The following ADGRB3 variants were observed in gnomAD, a reference collection of about 807,000 sequenced individuals.
The protein encoded by ADGRB3 is adhesion G protein-coupled receptor B3.
Under a neutral mutation model 193.4 loss-of-function variants are expected in ADGRB3, and 37 were observed. That is an observed-to-expected ratio of 0.19 (90% CI 0.15 to 0.25). The LOEUF (loss-of-function observed/expected upper bound fraction) is 0.25, where lower values mean the gene tolerates loss of function less well. Ranked by LOEUF, ADGRB3 falls within the 10% of genes least tolerant of loss-of-function variation. The probability of loss-of-function intolerance (pLI) is 1.00; values close to 1 mark genes in which losing one functional copy is unlikely to be tolerated. For missense variants in ADGRB3, 1,637 were observed against 1,852.9 expected, an observed-to-expected ratio of 0.88 and a Z score of 2.14; for synonymous variants, 690 against 644.2, an observed-to-expected ratio of 1.07 and a Z score of -1.08.
chr6:69,279,279 G>C (rs1406860495), intron 20 of ADGRB3, among the ~76,000 whole-genome samples: 8 of 151,714 alleles, frequency 5.3e-5, no homozygotes, highest in Non-Finnish European at 1.2e-4. Flanking sequence ...GTCTACACTT[G>C]AGTAAGATCA....
intron 17 of ADGRB3, among the ~76,000 whole-genome samples, chr6:69,184,309 G>A (rs558964994): frequency 9.1e-4 from 139 of 152,180 alleles, no homozygotes; most frequent in African/African-American, 3.2e-3. Flanking sequence ...AAATGGGTGT[G>A]ATAGTTAGCC....
intron 3 of ADGRB3, among the ~76,000 whole-genome samples, chr6:68,690,573 A>G (rs1765056223): frequency 1.3e-5 from 2 of 152,130 alleles, no homozygotes; most frequent in South Asian, 4.1e-4. Flanking sequence ...CCTGACTACT[A>G]TCCATTCTCC....
chr6:69,161,088 A>G (rs1774972606), intron 17 of ADGRB3, among the ~76,000 whole-genome samples: 2 of 152,136 alleles, frequency 1.3e-5, no homozygotes, highest in African/African-American at 4.8e-5. Flanking sequence ...TAGTAATACT[A>G]CCTATCTCAT....
chr6:69,137,198 C>A (rs1159480705), intron 17 of ADGRB3, among the ~76,000 whole-genome samples: 1 of 151,622 alleles, frequency 6.6e-6, no homozygotes, highest in Non-Finnish European at 1.5e-5. Context: ...TTATAACCAT[C>A]CAAAGTTATT....
intron 8 of ADGRB3, among the ~76,000 whole-genome samples, chr6:68,973,693 G>C (rs964110757): frequency 6.6e-6 from 1 of 151,930 alleles, no homozygotes; most frequent in Non-Finnish European, 1.5e-5. Flanking sequence ...ACACCATTAG[G>C]TACAAGTGAT....
At chr6:68,663,638 C>T (rs907161751) in intron 3 of ADGRB3, among the ~76,000 whole-genome samples, 2 of 151,734 alleles carry the variant, frequency 1.3e-5, no homozygotes. Context: ...CAATTTTTGC[C>T]TTCATTCCTT....
At chr6:68,798,002 C>CT (rs1767243093) in intron 3 of ADGRB3, among the ~76,000 whole-genome samples, 1 of 152,096 alleles carries the variant, frequency 6.6e-6, no homozygotes, top group South Asian at 2.1e-4. Flanking sequence ...CCAACTTATA[C>CT]TTTTTTATTG....
intron 17 of ADGRB3, among the ~76,000 whole-genome samples, chr6:69,225,978 A>G (rs1582559244): frequency 6.6e-6 from 1 of 152,194 alleles, no homozygotes; most frequent in Non-Finnish European, 1.5e-5. Flanking sequence ...CATATTTATA[A>G]CCCAGTAGAT....
intron 12 of ADGRB3, among the ~76,000 whole-genome samples, chr6:69,016,336 A>G (rs1319675663): frequency 6.6e-6 from 1 of 151,958 alleles, no homozygotes; most frequent in African/African-American, 2.4e-5. Context: ...ATTATTTAAT[A>G]ATCAGTAAAC....
intron 3 of ADGRB3, among the ~76,000 whole-genome samples, chr6:68,739,349 G>A (rs182763771): frequency 1.3e-5 from 2 of 152,298 alleles, no homozygotes; most frequent in East Asian, 3.9e-4. Context: ...TTTAGTTTTA[G>A]TTGGGAGAAA....
chr6:69,298,828 T>C (rs1411434865), intron 20 of ADGRB3, among the ~76,000 whole-genome samples: 1 of 152,062 alleles, frequency 6.6e-6, no homozygotes, highest in African/African-American at 2.4e-5. Flanking sequence ...TAGTGAATAG[T>C]GCTGCAATAA....
chr6:69,176,598 G>C (rs921401145), intron 17 of ADGRB3, among the ~76,000 whole-genome samples: 1 of 151,734 alleles, frequency 6.6e-6, no homozygotes, highest in Non-Finnish European at 1.5e-5. Context: ...CCTGCTGTGT[G>C]GTGTCTTTGC....
chr6:68,784,913 TTTTA>T (rs1387551486), intron 3 of ADGRB3, among the ~76,000 whole-genome samples: 1 of 152,096 alleles, frequency 6.6e-6, no homozygotes, highest in East Asian at 1.9e-4. Context: ...GTAGTGTTCA[TTTTA>T]TTTATTTGAA....
intron 3 of ADGRB3, among the ~76,000 whole-genome samples, chr6:68,751,683 G>T (rs564927585): frequency 3.9e-5 from 6 of 152,036 alleles, no homozygotes; most frequent in African/African-American, 1.4e-4. Flanking sequence ...TTAAAAATCC[G>T]TATACTATCC....
chr6:68,664,845 G>A (rs1225160220), intron 3 of ADGRB3, among the ~76,000 whole-genome samples: 2 of 151,932 alleles, frequency 1.3e-5, no homozygotes, highest in East Asian at 3.9e-4. Flanking sequence ...GAGGGTGAAG[G>A]GGGCTTTTGG....
At chr6:68,871,763 A>G (rs995037706) in intron 3 of ADGRB3, among the ~76,000 whole-genome samples, 4 of 152,152 alleles carry the variant, frequency 2.6e-5, no homozygotes, top group African/African-American at 9.6e-5. Context: ...ACATAAAAAG[A>G]AATATTGAGC....
intron 3 of ADGRB3, among the ~76,000 whole-genome samples, chr6:68,644,690 T>C (rs942623455): frequency 6.6e-6 from 1 of 152,156 alleles, no homozygotes; most frequent in African/African-American, 2.4e-5. Flanking sequence ...AATGCCACAA[T>C]TATTCCGTTT....
At chr6:68,698,866 A>G (rs1765196651) in intron 3 of ADGRB3, among the ~76,000 whole-genome samples, 2 of 152,048 alleles carry the variant, frequency 1.3e-5, no homozygotes, top group Non-Finnish European at 2.9e-5. Flanking sequence ...CAAATATGCT[A>G]TCTTAGATGT....
At chr6:69,347,169 G>T (rs946135221) in intron 26 of ADGRB3, among the ~76,000 whole-genome samples, 1 of 152,088 alleles carries the variant, frequency 6.6e-6, no homozygotes, top group African/African-American at 2.4e-5. Flanking sequence ...AGAACACATG[G>T]ACACAGGGAG....
Sources: allele counts gnomAD v4.1 joint callset (sites outside exome capture counted in the v4.1 genomes callset), GRCh38; gene constraint gnomAD v4.1.1; transcripts MANE v1.5; gene names NCBI Gene and HGNC (gene_info 2026-07-23, HGNC 2026-07-21).